The following SPARC variants were observed in gnomAD, a reference collection of about 807,000 sequenced individuals.
SPARC encodes the protein basement-membrane protein 40.
Under a neutral mutation model 37.7 loss-of-function variants are expected in SPARC, and 23 were observed. That is an observed-to-expected ratio of 0.61 (90% CI 0.44 to 0.87). The LOEUF (loss-of-function observed/expected upper bound fraction) is 0.87. Among genes scored for constraint, SPARC ranks in the 40% least tolerant of loss-of-function variants. The pLI is 0.00. For synonymous variants in SPARC, 155 were observed against 150.8 expected, an observed-to-expected ratio of 1.03 and a Z score of -0.20; for missense variants, 312 against 389.0, an observed-to-expected ratio of 0.80 and a Z score of 1.66.
intron 1 of SPARC, among the ~76,000 whole-genome samples, chr5:151,684,557 T>C (rs563529221): frequency 3.5e-5 from 5 of 142,696 alleles, no homozygotes; most frequent in Non-Finnish European, 7.5e-5. Flanking sequence ...TCAGTACTTC[T>C]AGTAAAGGAA....
In SPARC at chr5:151,663,457, A is replaced by G. The variant is rs1157061412; in HGVS notation, c.*114T>C. ...ACCGTTAATGTATTCACTTAAATCTATGTTAGCACCTTGTCTCCAGGCAGA... is the reference window on the plus strand; with the variant it reads ...ACCGTTAATGTATTCACTTAAATCTGTGTTAGCACCTTGTCTCCAGGCAGA... On this transcript the variant is annotated 3_prime_UTR_variant, in exon 10 of 10. Coordinates refer to ENST00000231061, the MANE Select transcript of SPARC (RefSeq NM_003118.4). The G allele has an allele frequency of 1.3e-5, 13 of 977,744 alleles. No individual in the cohort carries two copies. The highest frequency in any genetic ancestry group is 1.9e-5 in the Non-Finnish European group (12 of 619,160). The allele number at this position is 977,744 out of a possible 1,614,324, so 60.6% of individuals were successfully genotyped here. A position where few individuals can be genotyped will look rare whatever the true frequency, so the allele number is the denominator to read the frequency against.
At chr5:151,683,283 C>A (rs1761040860) in intron 1 of SPARC, among the ~76,000 whole-genome samples, 1 of 152,246 alleles carries the variant, frequency 6.6e-6, no homozygotes, top group Non-Finnish European at 1.5e-5. Context: ...AATGACAAAG[C>A]CACGTGGGCT....
In SPARC at chr5:151,669,680, G is replaced by A. The variant is rs1333178038; in HGVS notation, c.435C>T (p.Tyr145=). The stretch of plus-strand genomic sequence containing the variant: ...GACACTCACATTTGCAAGGCCCGAT[G>A]TAGTCCAGGTGGAGCTTGTGGCCCT... The part of the protein sequence containing the change: ...TKKGHKLHLD[Y]IGPCKYIPPC... The change falls in exon 6 of 10, where the codon TAC becomes TAT. Residue 145 remains tyrosine (Y), a synonymous_variant. Transcript: ENST00000231061. The A allele has an allele frequency of 1.2e-6, 2 of 1,614,090 alleles. No homozygotes were observed. The highest frequency in any genetic ancestry group is 2.7e-5 in the African/African-American group (2 of 74,940).
chr5:151,664,037 G>A, intron 9 of SPARC, 50 bp downstream of exon 9: 8 of 1,609,810 alleles, frequency 5.0e-6, no homozygotes, highest in Non-Finnish European at 6.8e-6. Context: ...CCAGCACCCT[G>A]GGAGCAGTGT....
At chr5:151,669,893 G>A (rs1760712050) in intron 5 of SPARC, 109 bp from the exon 6 acceptor site, 4 of 1,449,914 alleles carry the variant, frequency 2.8e-6, no homozygotes, top group Non-Finnish European at 3.8e-6. Context: ...AGCAAGGAAT[G>A]TCATTAGCCT....
Position 151,662,587 on chromosome 5 carries a change from A to G in SPARC, c.*984T>C, listed in dbSNP as rs1001461088. On this transcript the variant is annotated 3_prime_UTR_variant, in exon 10 of 10. Transcript: ENST00000231061. Reference sequence around the variant, plus strand: ...CCTGTGAGATCCGACCATCCCATTAACTTTGAAGTTTCTCTTGATTAATAG... The same window carrying G: ...CCTGTGAGATCCGACCATCCCATTAGCTTTGAAGTTTCTCTTGATTAATAG... 4 of 152,660 alleles carry G rather than the reference A, an allele frequency of 2.6e-5. No individual in the cohort carries two copies. The highest frequency in any genetic ancestry group is 5.9e-5 in the Non-Finnish European group (4 of 68,042). 9.5% of individuals were successfully genotyped at this position (152,660 alleles called of 1,614,324 possible). A position where few individuals can be genotyped will look rare whatever the true frequency, so the allele number is the denominator to read the frequency against.
chr5:151,676,277 G>A, intron 1 of SPARC, 76 bp from the exon 2 acceptor site: 2 of 1,010,600 alleles, frequency 2.0e-6, no homozygotes, highest in Non-Finnish European at 3.1e-6. Flanking sequence ...TTCCTGATAT[G>A]TGCAAGATAA....
At chr5:151,667,366 G>A (rs951694583) in intron 7 of SPARC, 101 bp downstream of exon 7, 44 of 1,360,060 alleles carry the variant, frequency 3.2e-5, no homozygotes, top group South Asian at 4.9e-5. Flanking sequence ...GTAAATGCAC[G>A]CTCCGGAGCA....
chr5:151,685,279 A>C (rs1271302918), intron 1 of SPARC: 1 of 152,112 alleles, frequency 6.6e-6, no homozygotes, highest in Non-Finnish European at 1.5e-5. Context: ...AGAAGGCTTC[A>C]TCCTCCAGCA....
chr5:151,677,769 G>C (rs1403054233), intron 1 of SPARC, among the ~76,000 whole-genome samples: 2 of 152,144 alleles, frequency 1.3e-5, no homozygotes, highest in African/African-American at 4.8e-5. Flanking sequence ...ACTTCATAAT[G>C]GTCCTTTCTT....
At chr5:151,677,304 C>G (rs1760878765) in intron 1 of SPARC, among the ~76,000 whole-genome samples, 1 of 152,180 alleles carries the variant, frequency 6.6e-6, no homozygotes, top group African/African-American at 2.4e-5. Flanking sequence ...TACCCCATCT[C>G]CCCTGCAGCC....
Position 151,669,721 on chromosome 5 carries a change from G to A in SPARC, c.394C>T (p.Leu132=), listed in dbSNP as rs1581522726. Residue 132 remains leucine (L), a synonymous_variant, in exon 6 of 10, where the codon CTG becomes TTG. Coordinates refer to ENST00000231061, the MANE Select transcript of SPARC (RefSeq NM_003118.4). ...SCHFFATKCT[L]EGTKKGHKLH... ...TTGTGGCCCTTCTTGGTGCCCTCCA[G>A]GGTGCACTTTGTGGCAAAGAAGTGG... The A allele has an allele frequency of 6.2e-7, 1 of 1,614,178 alleles. No homozygotes were observed. Among genetic ancestry groups the A allele is most frequent in the Non-Finnish European group, 8.5e-7 (1 of 1,180,030 alleles).
At chr5:151,665,768 C>T (rs902727748) in intron 8 of SPARC, among the ~76,000 whole-genome samples, 13 of 152,254 alleles carry the variant, frequency 8.5e-5, no homozygotes, top group African/African-American at 3.1e-4. Flanking sequence ...GTGCAGGGCA[C>T]AAAATGCACA....
intron 8 of SPARC, among the ~76,000 whole-genome samples, chr5:151,665,156 AG>A (rs1434448849): frequency 6.6e-6 from 1 of 152,182 alleles, no homozygotes; most frequent in African/African-American, 2.4e-5. Flanking sequence ...GGTCACCTAC[AG>A]CCCTGGGATG....
intron 7 of SPARC, 110 bp downstream of exon 7, chr5:151,667,357 T>C (rs753429759): frequency 8.1e-7 from 1 of 1,236,242 alleles, no homozygotes; most frequent in African/African-American, 1.5e-5. Context: ...TGCTCAGGGG[T>C]AAATGCACGC....
intron 1 of SPARC, among the ~76,000 whole-genome samples, chr5:151,682,862 G>T (rs1318341145): frequency 6.6e-6 from 1 of 152,212 alleles, no homozygotes; most frequent in Non-Finnish European, 1.5e-5. Context: ...GATGAGAGAA[G>T]TTAATACCAA....
chr5:151,664,039 G>A, intron 9 of SPARC, 48 bp downstream of exon 9: 3 of 1,610,794 alleles, frequency 1.9e-6, no homozygotes, highest in Non-Finnish European at 2.5e-6. Flanking sequence ...AGCACCCTGG[G>A]AGCAGTGTTT....
chr5:151,682,320 G>C (rs1233799697), intron 1 of SPARC, among the ~76,000 whole-genome samples: 3 of 152,182 alleles, frequency 2.0e-5, no homozygotes. Context: ...AGCAGAGGCT[G>C]GGGTGGAGCT....
At chr5:151,679,782 C>T (rs944845296) in intron 1 of SPARC, 1 of 152,210 alleles carries the variant, frequency 6.6e-6, no homozygotes, top group Non-Finnish European at 1.5e-5. Context: ...CATAAAGGGC[C>T]TCCTTTGGGC....
Sources: allele counts gnomAD v4.1 joint callset (sites outside exome capture counted in the v4.1 genomes callset), GRCh38; gene constraint gnomAD v4.1.1; transcripts MANE v1.5; gene names NCBI Gene and HGNC (gene_info 2026-07-23, HGNC 2026-07-21).